The following HMCN1 variants were observed in gnomAD, a reference collection of about 807,000 sequenced individuals.
The protein encoded by HMCN1 is hemicentin 1, also known as hemicentin-1.
HMCN1 carries 321 observed loss-of-function variants against 625.9 expected under a neutral mutation model. The ratio of observed to expected loss-of-function variants is 0.51; its 90% confidence interval spans 0.47 to 0.56. HMCN1 has a LOEUF of 0.56. Ranked by LOEUF, HMCN1 falls within the 20% of genes least tolerant of loss-of-function variation. The pLI is 0.00. For missense variants in HMCN1, 6,588 were observed against 6,887.3 expected, an observed-to-expected ratio of 0.96 and a Z score of 1.54; for synonymous variants, 2,425 against 2,417.6, an observed-to-expected ratio of 1.00 and a Z score of -0.09.
At chr1:185,935,595 A>G (rs1314892507) in intron 11 of HMCN1, among the ~76,000 whole-genome samples, 1 of 151,360 alleles carries the variant, frequency 6.6e-6, no homozygotes, top group East Asian at 1.9e-4. Flanking sequence ...AAACATAAAT[A>G]TAAAAAAATA....
chr1:185,879,946 A>G (rs944443591), intron 4 of HMCN1, among the ~76,000 whole-genome samples: 46 of 152,306 alleles, frequency 3.0e-4, no homozygotes, highest in Middle Eastern at 3.4e-3. Context: ...TAAATGAGGA[A>G]ATAGTGGTGA....
intron 9 of HMCN1, among the ~76,000 whole-genome samples, chr1:185,926,192 CTT>C (rs1667268828): frequency 6.6e-6 from 1 of 152,126 alleles, no homozygotes; most frequent in African/African-American, 2.4e-5. Flanking sequence ...TTTTATCAGA[CTT>C]TTATACTGTT....
intron 29 of HMCN1, among the ~76,000 whole-genome samples, chr1:186,005,811 C>A (rs1027658941): frequency 6.6e-6 from 1 of 152,006 alleles, no homozygotes; most frequent in Non-Finnish European, 1.5e-5. Context: ...TACTTAAATT[C>A]GAGCAGCATA....
In HMCN1 at chr1:186,093,622, G is replaced by A. The variant is rs1443644918; in HGVS notation, c.10149G>A (p.Leu3383=). 7 of 1,613,394 alleles carry A rather than the reference G, an allele frequency of 4.3e-6. No homozygotes were observed. The East Asian group carries it at 1.1e-4, about 26-fold the overall frequency. Residue 3383 remains leucine (L), a synonymous_variant, in exon 66 of 107, where the codon CTG becomes CTA. Coordinates refer to ENST00000271588, the MANE Select transcript of HMCN1 (RefSeq NM_031935.3). ...QINWLKNGLP[L]PLSSHIRLLA... is the part of the protein sequence containing the mutation. Reference sequence around the variant, plus strand: ...ACTGGCTGAAGAATGGACTTCCTCTGCCTCTCTCCTCCCATATCCGGTTAC... The same window carrying A: ...ACTGGCTGAAGAATGGACTTCCTCTACCTCTCTCCTCCCATATCCGGTTAC...
At chr1:185,783,598 G>C (rs1037304795) in intron 1 of HMCN1, among the ~76,000 whole-genome samples, 1 of 152,322 alleles carries the variant, frequency 6.6e-6, no homozygotes, top group Admixed American at 6.5e-5. Flanking sequence ...GTTGGAGTTT[G>C]CTGGAGGTCC....
intron 45 of HMCN1, among the ~76,000 whole-genome samples, chr1:186,057,031 T>TCACACACACACACA (rs59926356): frequency 1.2e-4 from 18 of 148,028 alleles, no homozygotes; most frequent in African/African-American, 4.0e-4. Context: ...TCCAGGAATG[T>TCACACACACACACA]CACACACACA....
chr1:186,062,543 T>G lies in HMCN1; in HGVS notation c.7456T>G (p.Leu2486Val). 1 of 1,612,236 alleles carries G rather than the reference T, an allele frequency of 6.2e-7. No homozygotes were observed. Among genetic ancestry groups the G allele is most frequent in the South Asian group, 1.1e-5 (1 of 91,058 alleles). The change falls in exon 48 of 107, where the codon TTG becomes GTG. Residue 2486 changes from leucine (L) to valine (V), a missense_variant. By Grantham distance (32) the Leu-to-Val change is conservative (BLOSUM62 1). Around this residue, in one of 3 missense-constraint regions of HMCN1, gnomAD observed 4,628 missense variants for 4,853.1 expected, o/e 0.95. Coordinates refer to ENST00000271588, the MANE Select transcript of HMCN1 (RefSeq NM_031935.3). ...VPPHIVGENT[L>V]EDVKVKEKQS... is the part of the protein sequence containing the mutation. ...ACCTCATATTGTGGGTGAAAATACA[T>G]TGGAAGATGTGAAGGTAAAAGAGAA...
At chr1:186,101,355 T>G (rs1021226011) in intron 68 of HMCN1, among the ~76,000 whole-genome samples, 5 of 152,068 alleles carry the variant, frequency 3.3e-5, no homozygotes, top group Admixed American at 6.6e-5. Flanking sequence ...ATTGGTAAAT[T>G]CATCACTTAG....
intron 21 of HMCN1, 62 bp downstream of exon 21, chr1:185,989,709 T>A: frequency 6.6e-7 from 1 of 1,516,520 alleles, no homozygotes; most frequent in South Asian, 1.1e-5. Flanking sequence ...AACTCACAGT[T>A]CTTTCCCCAA....
Position 186,190,402 on chromosome 1 carries a change from C to G in HMCN1, c.*524C>G, listed in dbSNP as rs1347885033. On this transcript the variant is annotated 3_prime_UTR_variant, in exon 107 of 107. Coordinates refer to ENST00000271588, the MANE Select transcript of HMCN1 (RefSeq NM_031935.3). ...TTTTCATTTTTAAGAAGAAAAACAC[C>G]ACTCATTTTATAAAATATAGTACAG... The G allele has an allele frequency of 5.0e-6, 1 of 198,428 alleles. No homozygotes were observed. The highest frequency in any genetic ancestry group is 8.1e-5 in the East Asian group (1 of 12,354). The allele number at this position is 198,428 out of a possible 1,614,324, so 12.3% of individuals were successfully genotyped here.
At chr1:185,886,427 A>G (rs1664654305) in intron 4 of HMCN1, among the ~76,000 whole-genome samples, 1 of 152,142 alleles carries the variant, frequency 6.6e-6, no homozygotes, top group Non-Finnish European at 1.5e-5. Context: ...ACTTGAAAAT[A>G]AAGCTAGAAT....
At chr1:185,910,972 C>G (rs1222157428) in intron 5 of HMCN1, among the ~76,000 whole-genome samples, 1 of 152,162 alleles carries the variant, frequency 6.6e-6, no homozygotes, top group African/African-American at 2.4e-5. Flanking sequence ...TTCCTCTTTT[C>G]TAAGTTCCAA....
intron 68 of HMCN1, among the ~76,000 whole-genome samples, chr1:186,101,798 A>G (rs1341113143): frequency 6.6e-6 from 1 of 152,132 alleles, no homozygotes. Context: ...ATAACCGAGA[A>G]GTAAGAGGAG....
intron 103 of HMCN1, among the ~76,000 whole-genome samples, chr1:186,175,848 C>T (rs1177666426): frequency 7.6e-6 from 1 of 131,670 alleles, no homozygotes; most frequent in Non-Finnish European, 1.6e-5. Flanking sequence ...TGCACTCCAG[C>T]CTGGACAATA....
rs1286188139 is a variant in HMCN1 at position 185,937,923 on chromosome 1, GTAA to G, written c.1828+4109_1828+4111del. 1.8e-4 allele frequency among the ~76,000 whole-genome samples: 25 copies of G among 135,472 alleles called. No individual in the cohort carries two copies. The East Asian group carries it at 3.2e-3, about 17-fold the overall frequency. 88.9% of individuals were successfully genotyped at this position (135,472 alleles called of 152,430 possible). A position where few individuals can be genotyped will look rare whatever the true frequency, so the allele number is the denominator to read the frequency against. On this transcript the variant is annotated intron_variant, in intron 11 of 106. Transcript: ENST00000271588. ...AATAATAATAATAATAATAATAATAGTAATAATAATAAGTGGAATGGAAGAAGT... is the reference window on the plus strand; with the variant it reads ...AATAATAATAATAATAATAATAATAGTAATAATAAGTGGAATGGAAGAAGT...
Position 186,018,680 on chromosome 1 carries a change from A to G in HMCN1, c.5470+328A>G, listed in dbSNP as rs188883526. ...TCTGAGGAATTAGACCAAATAAGAT[A>G]GAAGAGGCACGGAGCAAGTTCCAAG... On this transcript the variant is annotated intron_variant, in intron 34 of 106. Coordinates refer to ENST00000271588, the MANE Select transcript of HMCN1 (RefSeq NM_031935.3). 8.9e-4 allele frequency among the ~76,000 whole-genome samples: 135 copies of G among 152,142 alleles called. 1 individual carries two copies. Among genetic ancestry groups the G allele is most frequent in the East Asian group, 1.9e-3 (10 of 5,180 alleles).
chr1:186,115,392 G>T lies in HMCN1; in HGVS notation c.11539G>T (p.Asp3847Tyr), dbSNP rs1333386065. The change falls in exon 75 of 107, where the codon GAT becomes TAT. Residue 3847 changes from aspartate (D) to tyrosine (Y), a missense_variant. Transcript: ENST00000271588. Reference protein sequence around the residue: ...WRKNGHLLNVDQNQNSYRLLS... With the variant: ...WRKNGHLLNVYQNQNSYRLLS... ...AAAAAATGGGCATCTTCTTAATGTG[G>T]ATCAAAATCAGAACTCATACAGGTA... 2 of 1,613,578 alleles carry T rather than the reference G, an allele frequency of 1.2e-6. No homozygotes were observed. Among genetic ancestry groups the T allele is most frequent in the East Asian group, 4.5e-5 (2 of 44,850 alleles).
intron 55 of HMCN1, among the ~76,000 whole-genome samples, chr1:186,079,721 G>A (rs1659051412): frequency 6.6e-6 from 1 of 152,096 alleles, no homozygotes; most frequent in Admixed American, 6.6e-5. Context: ...ATGAAACTAT[G>A]GGATTGGATG....
intron 22 of HMCN1, 23 bp downstream of exon 22, chr1:185,990,466 C>T: frequency 6.2e-7 from 1 of 1,608,816 alleles, no homozygotes; most frequent in Non-Finnish European, 8.5e-7. Context: ...GGATGAATTG[C>T]AACACATGAA....
Sources: allele counts gnomAD v4.1 joint callset (sites outside exome capture counted in the v4.1 genomes callset), GRCh38; gene constraint gnomAD v4.1.1; regional missense constraint gnomAD v4.1.1; transcripts MANE v1.5; gene names NCBI Gene and HGNC (gene_info 2026-07-23, HGNC 2026-07-21).